LRP1B: variants seen among roughly 807,000 people sequenced by gnomAD.
LRP1B encodes low-density lipoprotein receptor-related protein 1B.
A neutral mutation model predicts 556.6 loss-of-function variants in LRP1B; 217 were observed. The observed-to-expected ratio is 0.39, with a 90% CI of 0.35 to 0.44. The LOEUF is 0.44. Among genes scored for constraint, LRP1B ranks in the 20% least tolerant of loss-of-function variants. The pLI is 1.00. For synonymous variants in LRP1B, 2,047 were observed against 1,865.8 expected (o/e 1.10, Z -2.50); for missense variants, 5,053 against 5,620.8 (o/e 0.90, Z 3.23).
At chr2:142,075,900 T>C (rs114604733) in intron 1 of LRP1B, among the ~76,000 whole-genome samples, 2,889 of 152,208 alleles carry the variant, frequency 0.019, 42 homozygotes, top group Non-Finnish European at 0.029. Flanking sequence ...ACTAAGAAAA[T>C]TGTCTGAATC....
intron 66 of LRP1B, among the ~76,000 whole-genome samples, chr2:140,419,240 TTCA>T (rs1453840595): frequency 2.4e-4 from 37 of 152,288 alleles, no homozygotes; most frequent in Non-Finnish European, 4.4e-4. Flanking sequence ...GATGAATCAG[TTCA>T]TCAAGAGAAA....
chr2:141,285,600 T>A (rs1466570009), intron 3 of LRP1B, among the ~76,000 whole-genome samples: 1 of 147,662 alleles, frequency 6.8e-6, no homozygotes, highest in East Asian at 2.1e-4. Flanking sequence ...GAATTACAGG[T>A]GCCCGCCACC....
chr2:141,994,757 C>A (rs1046757369), intron 1 of LRP1B, among the ~76,000 whole-genome samples: 12 of 152,082 alleles, frequency 7.9e-5, no homozygotes, highest in African/African-American at 2.7e-4. Context: ...AATAATATTA[C>A]TTTTATCTAT....
chr2:140,746,824 C>A (rs1688329998), intron 35 of LRP1B, among the ~76,000 whole-genome samples: 1 of 151,696 alleles, frequency 6.6e-6, no homozygotes. Context: ...GCCTTACTTT[C>A]AGGGTAAACC....
chr2:141,332,612 A>G (rs1687694965), intron 3 of LRP1B, among the ~76,000 whole-genome samples: 1 of 151,742 alleles, frequency 6.6e-6, no homozygotes, highest in South Asian at 2.1e-4. Flanking sequence ...CTGTCTGTTC[A>G]CAGCATTCTT....
chr2:141,007,443 T>C (rs1697609016), intron 14 of LRP1B, among the ~76,000 whole-genome samples: 1 of 151,838 alleles, frequency 6.6e-6, no homozygotes, highest in South Asian at 2.1e-4. Context: ...TAATAATGCA[T>C]GCTACAGTAT....
chr2:141,576,219 A>G (rs1342018804), intron 2 of LRP1B, among the ~76,000 whole-genome samples: 1 of 152,268 alleles, frequency 6.6e-6, no homozygotes, highest in African/African-American at 2.4e-5. Flanking sequence ...AAAATGTGGT[A>G]CATATATGCC....
intron 25 of LRP1B, among the ~76,000 whole-genome samples, chr2:140,870,573 T>G (rs1045445962): frequency 1.3e-5 from 2 of 152,076 alleles, no homozygotes; most frequent in African/African-American, 4.8e-5. Context: ...AGAGAGGGAG[T>G]GAAAAATTCC....
chr2:140,433,997 G>T (rs911202272), intron 66 of LRP1B, among the ~76,000 whole-genome samples: 2 of 151,976 alleles, frequency 1.3e-5, no homozygotes, highest in African/African-American at 2.4e-5. Flanking sequence ...AGGTCTCAGG[G>T]AAGATCTGTT....
chr2:140,778,131 T>C (rs1309575608), intron 32 of LRP1B, among the ~76,000 whole-genome samples: 1 of 152,152 alleles, frequency 6.6e-6, no homozygotes, highest in African/African-American at 2.4e-5. Context: ...AAATGAAAAG[T>C]GCATAAGGTC....
At chr2:141,126,478 C>A (rs1701215284) in intron 7 of LRP1B, among the ~76,000 whole-genome samples, 1 of 152,144 alleles carries the variant, frequency 6.6e-6, no homozygotes, top group Non-Finnish European at 1.5e-5. Context: ...TATTTCAGGT[C>A]CTCTAAGGAC....
rs531036351 is a variant in LRP1B, at chr2:141,006,324, A to G, written c.2381-867T>C. Among the ~76,000 whole-genome samples the G allele has an allele frequency of 1.2e-4, 19 of 152,148 alleles. No individual in the cohort carries two copies. In the South Asian group the frequency reaches 3.7e-3, roughly 30 times the overall value. The stretch of plus-strand genomic sequence containing the variant: ...ATCCACCTTCCAGATATTTGAAACT[A>G]TATATCATCGTTAACTATAATCATC... On this transcript the variant is annotated intron_variant, in intron 14 of 90. Transcript: ENST00000389484.
At chr2:140,240,224 G>A (rs1456352420) in intron 87 of LRP1B, among the ~76,000 whole-genome samples, 1 of 150,822 alleles carries the variant, frequency 6.6e-6, no homozygotes, top group African/African-American at 2.4e-5. Flanking sequence ...TTTCTGAACA[G>A]TTTTAGCAAG....
intron 3 of LRP1B, among the ~76,000 whole-genome samples, chr2:141,313,698 A>G (rs2105453800): frequency 6.6e-6 from 1 of 152,326 alleles, no homozygotes; most frequent in East Asian, 1.9e-4. Context: ...TAAATACATT[A>G]GTGATCACTG....
At chr2:140,317,304 T>C (rs1352655658) in intron 82 of LRP1B, among the ~76,000 whole-genome samples, 1 of 152,034 alleles carries the variant, frequency 6.6e-6, no homozygotes, top group East Asian at 1.9e-4. Flanking sequence ...TTCGTATACA[T>C]TATCCAGGAT....
intron 3 of LRP1B, among the ~76,000 whole-genome samples, chr2:141,463,179 A>C (rs1429974099): frequency 6.6e-6 from 1 of 152,166 alleles, no homozygotes; most frequent in East Asian, 1.9e-4. Flanking sequence ...TGAATGCAGT[A>C]AGAATAAAAC....
At chr2:141,603,505 G>C (rs1340983134) in intron 2 of LRP1B, among the ~76,000 whole-genome samples, 1 of 152,064 alleles carries the variant, frequency 6.6e-6, no homozygotes, top group East Asian at 1.9e-4. Flanking sequence ...AGATAATAGG[G>C]AATTTTTCTG....
At chr2:141,682,446 A>G (rs1363497442) in intron 2 of LRP1B, among the ~76,000 whole-genome samples, 1 of 152,140 alleles carries the variant, frequency 6.6e-6, no homozygotes, top group African/African-American at 2.4e-5. Context: ...CAGGAATTAA[A>G]TGAAGTATGA....
intron 41 of LRP1B, among the ~76,000 whole-genome samples, chr2:140,602,499 A>G (rs1478942237): frequency 6.6e-6 from 1 of 152,054 alleles, no homozygotes; most frequent in Non-Finnish European, 1.5e-5. Context: ...TTAATTTAAC[A>G]AAGAACGTAT....
Sources: gnomAD v4.1 joint callset for allele counts (sites outside exome capture counted in the v4.1 genomes callset) on GRCh38, gnomAD v4.1.1 for gene constraint, MANE v1.5 for transcripts, NCBI Gene and HGNC (gene_info 2026-07-23, HGNC 2026-07-21) for gene names.